Variants in SLC38A10 observed in about 807,000 individuals in gnomAD.
SLC38A10 encodes the protein Sodium-coupled neutral amino acid transporter 10.
SLC38A10 carries 53 observed loss-of-function variants against 81.0 expected under a neutral mutation model. That is an observed-to-expected ratio of 0.65 (90% CI 0.53 to 0.82). The LOEUF is 0.82. Among genes scored for constraint, SLC38A10 ranks in the 40% least tolerant of loss-of-function variants. SLC38A10 has a pLI of 0.00. For synonymous variants in SLC38A10, 665 were observed against 655.3 expected (o/e 1.01, Z -0.23); for missense variants, 1,471 against 1,545.0 (o/e 0.95, Z 0.80).
rs1198402763 is a variant in SLC38A10 at position 81,252,468 on chromosome 17, C to T, written c.1672G>A (p.Gly558Arg). 1 of 1,613,356 alleles carries T rather than the reference C, an allele frequency of 6.2e-7. No homozygotes were observed. The highest frequency in any genetic ancestry group is 1.7e-5 in the Admixed American group (1 of 60,000). ...EKQEPEQGEV[G>R]KRPGQAQALE... ...GCCTGGGCCTGTCCAGGCCTCTTCC[C>T]AACCTCTCCCTGCTCCGGCTCTTGT... The change falls in exon 13 of 16, where the codon GGG (glycine) becomes AGG (arginine). Residue 558 changes from glycine (G) to arginine (R), a missense_variant. This residue lies in a region of SLC38A10 where 720 missense variants were observed against 827.7 expected (regional missense o/e 0.87). Transcript: ENST00000374759.
At chr17:81,249,633 G>A (rs1462851628) in intron 14 of SLC38A10, among the ~76,000 whole-genome samples, 1 of 151,892 alleles carries the variant, frequency 6.6e-6, no homozygotes, top group Non-Finnish European at 1.5e-5. Flanking sequence ...GAGGAGACAG[G>A]CTGTTCCTAC....
rs2063104109 is a variant in SLC38A10 at position 81,270,368 on chromosome 17, G to A, written c.1131+550C>T. 6.6e-6 allele frequency among the ~76,000 whole-genome samples: 1 copy of A among 152,220 alleles called. No individual in the cohort carries two copies. Among genetic ancestry groups the A allele is most frequent in the African/African-American group, 2.4e-5 (1 of 41,452 alleles). Reference sequence around the variant, plus strand: ...GAGAGGTGAGTCCTTCGGAGACTGGGATTATGGAATCTTCCTACCACGGAA... The same window carrying A: ...GAGAGGTGAGTCCTTCGGAGACTGGAATTATGGAATCTTCCTACCACGGAA... On this transcript the variant is annotated intron_variant, in intron 10 of 15. Coordinates refer to ENST00000374759, the MANE Select transcript of SLC38A10 (RefSeq NM_001037984.3). The surrounding 1 kb of genome is among the most constrained non-coding windows in gnomAD (Gnocchi z 4.0).
chr17:81,294,942 G>C lies in SLC38A10; in HGVS notation c.-21C>G. ...GTCATAGTGAGAGGTCTAGGGGCCC[G>C]GGGCGAGAGGCCTCGGGGGTCGCCG... On this transcript the variant is annotated 5_prime_UTR_variant, in exon 1 of 16. Transcript: ENST00000374759. 6.4e-7 allele frequency: 1 copy of C among 1,564,670 alleles called. No individual in the cohort carries two copies. The highest frequency in any genetic ancestry group is 2.5e-5 in the East Asian group (1 of 39,710).
chr17:81,263,185 A>C (rs1232289720), intron 10 of SLC38A10: 1 of 152,232 alleles, frequency 6.6e-6, no homozygotes, highest in African/African-American at 2.4e-5. Context: ...AAGTCCAAGA[A>C]CATCTCGAAA....
chr17:81,272,650 G>A, intron 8 of SLC38A10, 23 bp from the exon 9 acceptor site: 1 of 1,483,252 alleles, frequency 6.7e-7, no homozygotes, highest in Non-Finnish European at 9.0e-7. Context: ...AAAACAAAAG[G>A]TTTTGAAATG....
At chr17:81,247,161 T>C in intron 14 of SLC38A10, 100 bp from the exon 15 acceptor site, 1 of 1,267,156 alleles carries the variant, frequency 7.9e-7, no homozygotes, top group Non-Finnish European at 1.1e-6. Flanking sequence ...ACAGGTCACC[T>C]GCAGGGAGTG....
chr17:81,270,346 A>G lies in SLC38A10; in HGVS notation c.1131+572T>C, dbSNP rs2063103805. ...TCTGTCTGCAATAGCAAGACTGGAG[A>G]GGTGAGTCCTTCGGAGACTGGGATT... On this transcript the variant is annotated intron_variant, in intron 10 of 15. Transcript: ENST00000374759. This position sits in a 1 kb window ranked among gnomAD's most constrained non-coding sequence, Gnocchi z 4.0. Among the ~76,000 whole-genome samples, 1 of 152,180 alleles carries G rather than the reference A, an allele frequency of 6.6e-6. No individual in the cohort carries two copies. The highest frequency in any genetic ancestry group is 1.5e-5 in the Non-Finnish European group (1 of 68,044).
intron 14 of SLC38A10, among the ~76,000 whole-genome samples, chr17:81,249,430 G>A (rs1250484541): frequency 6.0e-5 from 1 of 16,568 alleles, no homozygotes; most frequent in African/African-American, 1.6e-4. Context: ...GGAGGGAGAA[G>A]GAGGGAGGGA....
In SLC38A10 at chr17:81,286,990, G is replaced by C. The variant is rs976401046; in HGVS notation, c.218-2095C>G. 4.6e-5 allele frequency among the ~76,000 whole-genome samples: 7 copies of C among 152,326 alleles called. No individual in the cohort carries two copies. Among genetic ancestry groups the C allele is most frequent in the Non-Finnish European group, 8.8e-5 (6 of 68,030 alleles). ...AGCTGAAGGAGGCTGAATGACTGAT[G>C]TATCTGTGTGTCTTCTGAAGAGGGG... On this transcript the variant is annotated intron_variant, in intron 2 of 15. Transcript: ENST00000374759. This position sits in a 1 kb window ranked among gnomAD's most constrained non-coding sequence, Gnocchi z 6.0.
chr17:81,255,729 C>T (rs886160426), intron 11 of SLC38A10, among the ~76,000 whole-genome samples: 6 of 152,242 alleles, frequency 3.9e-5, no homozygotes, highest in African/African-American at 1.2e-4. Context: ...GGCATGATGG[C>T]TCACTCCGGT....
Position 81,283,503 on chromosome 17 carries a change from C to T in SLC38A10, c.264-1G>A. 1 of 1,608,218 alleles carries T rather than the reference C, an allele frequency of 6.2e-7. No individual in the cohort carries two copies. The highest frequency in any genetic ancestry group is 8.5e-7 in the Non-Finnish European group (1 of 1,177,332). ...GGTGCCCAGCATCAGCCCGATCATG[C>T]TGCACAGGGACGGGGGGTACGGGAA... On this transcript the variant is annotated splice_acceptor_variant, in intron 3 of 15. Coordinates refer to ENST00000374759, the MANE Select transcript of SLC38A10 (RefSeq NM_001037984.3). LOFTEE classifies it high-confidence loss of function. The surrounding 1 kb of genome is among the most constrained non-coding windows in gnomAD (Gnocchi z 4.7).
intron 6 of SLC38A10, chr17:81,280,170 A>G (rs574430749): frequency 4.4e-6 from 2 of 453,786 alleles, no homozygotes; most frequent in Admixed American, 2.4e-5. Flanking sequence ...CCTGCGTGCC[A>G]GAGAGAAAGC....
At chr17:81,249,551 AAG>A (rs929880296) in intron 14 of SLC38A10, among the ~76,000 whole-genome samples, 2 of 62,234 alleles carry the variant, frequency 3.2e-5, no homozygotes, top group African/African-American at 9.1e-5. Flanking sequence ...AGGAGGAAAA[AAG>A]AGGGGGAGGG....
At chr17:81,291,310 C>T (rs996426692) in intron 1 of SLC38A10, among the ~76,000 whole-genome samples, 2 of 151,800 alleles carry the variant, frequency 1.3e-5, no homozygotes, top group Non-Finnish European at 2.9e-5. Context: ...GTGAGACCCC[C>T]ACCTCTACTG....
chr17:81,285,836 A>T (rs2063261619), intron 2 of SLC38A10: 1 of 152,210 alleles, frequency 6.6e-6, no homozygotes, highest in Non-Finnish European at 1.5e-5. Context: ...GTAACTATGA[A>T]TGGGTCCAAA....
At position 81,245,993 on chromosome 17, in the gene SLC38A10, G is replaced by GGCCCTGCTGTCC. The variant is rs2062846206; in HGVS notation, c.2911_2922dup (p.Gly971_Gly974dup). The stretch of plus-strand genomic sequence containing the variant: ...AGGTGACCGCCATGGTCCAGCCGGT[G>GGCCCTGCTGTCC]GCCCTGCTGTCCACCCTGCTCGCCA... On this transcript the variant is annotated inframe_insertion, in exon 16 of 16. Coordinates refer to ENST00000374759, the MANE Select transcript of SLC38A10 (RefSeq NM_001037984.3). The GGCCCTGCTGTCC allele has an allele frequency of 1.2e-6, 2 of 1,605,406 alleles. No individual in the cohort carries two copies. Among genetic ancestry groups the GGCCCTGCTGTCC allele is most frequent in the Non-Finnish European group, 1.7e-6 (2 of 1,175,442 alleles).
chr17:81,274,258 G>C (rs764200468), intron 8 of SLC38A10, among the ~76,000 whole-genome samples: 57 of 152,346 alleles, frequency 3.7e-4, no homozygotes, highest in Non-Finnish European at 7.5e-4. Context: ...GCACGTGGGG[G>C]AGGCACCCAG....
intron 14 of SLC38A10, chr17:81,250,088 T>C: frequency 1.6e-6 from 2 of 1,288,530 alleles, no homozygotes; most frequent in Non-Finnish European, 2.0e-6. Context: ...ATCTTTTTAA[T>C]TTCAGCTGCT....
rs533029931 is a variant in SLC38A10, at chr17:81,272,006, C to T, written c.1024+510G>A. On this transcript the variant is annotated intron_variant, in intron 9 of 15. Transcript: ENST00000374759. ...CCTCCCAAACTGCGGGGATTACAGG[C>T]GTGAGCCACTGCGCCCAGCAAGCTG... Among the ~76,000 whole-genome samples, 8 of 151,852 alleles carry T rather than the reference C, an allele frequency of 5.3e-5. No individual in the cohort carries two copies. In the South Asian group the frequency reaches 1.5e-3, roughly 28 times the overall value.
Sources: gnomAD v4.1 joint callset for allele counts (sites outside exome capture counted in the v4.1 genomes callset) on GRCh38, gnomAD v4.1.1 for gene constraint, gnomAD v4.1.1 regional missense constraint, Gnocchi (gnomAD v3.1) non-coding constraint, MANE v1.5 for transcripts, NCBI Gene and HGNC (gene_info 2026-07-23, HGNC 2026-07-21) for gene names.